Variants in ANKRD13A observed in about 807,000 individuals in gnomAD.
ANKRD13A encodes ankyrin repeat domain-containing protein 13A.
A neutral mutation model predicts 81.3 loss-of-function variants in ANKRD13A; 48 were observed. The ratio of observed to expected loss-of-function variants is 0.59; its 90% confidence interval spans 0.47 to 0.75. ANKRD13A has a LOEUF of 0.75. Among genes scored for constraint, ANKRD13A ranks in the 30% least tolerant of loss-of-function variants. The pLI, the probability that ANKRD13A is intolerant of heterozygous loss-of-function variation, is 0.00. For missense variants in ANKRD13A, 612 were observed against 734.0 expected, an observed-to-expected ratio of 0.83 and a Z score of 1.92; for synonymous variants, 230 against 270.1, an observed-to-expected ratio of 0.85 and a Z score of 1.45.
At chr12:110,016,470 T>G in intron 4 of ANKRD13A, 37 bp downstream of exon 4, 1 of 1,541,656 alleles carries the variant, frequency 6.5e-7, no homozygotes, top group Non-Finnish European at 8.8e-7. Context: ...TTTCTCTTTC[T>G]AAATTTACTT....
chr12:110,024,104 G>C lies in ANKRD13A; in HGVS notation c.793G>C (p.Glu265Gln), dbSNP rs762295453. Residue 265 changes from glutamate to glutamine, a missense_variant, in exon 7 of 15, where the codon GAA (glutamate) becomes CAA (glutamine). Transcript: ENST00000261739. ...TDKAEVVNGY[E>Q]AKVYTVNNVN... ...TAAAGCAGAAGTTGTTAATGGTTACGAAGCAAAGGTAAAAGGAAACTCTTA... is the reference window on the plus strand; with the variant it reads ...TAAAGCAGAAGTTGTTAATGGTTACCAAGCAAAGGTAAAAGGAAACTCTTA... 6.2e-7 allele frequency: 1 copy of C among 1,605,518 alleles called. No individual in the cohort carries two copies. The highest frequency in any genetic ancestry group is 1.8e-5 in the Admixed American group (1 of 57,100).
chr12:110,022,720 G>T (rs1166844973), intron 6 of ANKRD13A, among the ~76,000 whole-genome samples: 1 of 152,190 alleles, frequency 6.6e-6, no homozygotes, highest in African/African-American at 2.4e-5. Context: ...AGGCTATCTC[G>T]ATTTTCTGGT....
chr12:109,999,367 T>A (rs1261671187), upstream of ANKRD13A: 4 of 161,784 alleles, frequency 2.5e-5, no homozygotes, highest in African/African-American at 9.6e-5. The surrounding 1 kb of genome is among the most constrained non-coding windows in gnomAD (Gnocchi z 4.3). Flanking sequence ...AGGTCGCCTA[T>A]CCCCGCCGCG....
Position 110,036,158 on chromosome 12 carries a change from TG to T in ANKRD13A, c.1510-101del. 9.1e-7 allele frequency: 1 copy of T among 1,102,892 alleles called. No individual in the cohort carries two copies. The highest frequency in any genetic ancestry group is 2.4e-5 in the East Asian group (1 of 41,766). The allele number at this position is 1,102,892 out of a possible 1,614,324, so 68.3% of individuals were successfully genotyped here. ...CACACAGCACTATTGATAATGGTCA[TG>T]GAAAGACTTTTAATTTGGTTCTTGC... On this transcript the variant is annotated intron_variant, in intron 13 of 14. Coordinates refer to ENST00000261739, the MANE Select transcript of ANKRD13A (RefSeq NM_033121.2). This position sits in a 1 kb window ranked among gnomAD's most constrained non-coding sequence, Gnocchi z 4.6.
intron 6 of ANKRD13A, among the ~76,000 whole-genome samples, chr12:110,023,415 A>G (rs1891170771): frequency 6.6e-6 from 1 of 152,178 alleles, no homozygotes; most frequent in Non-Finnish European, 1.5e-5. Context: ...GATGGAATTA[A>G]CAGCTGGGCT....
intron 1 of ANKRD13A, among the ~76,000 whole-genome samples, chr12:110,006,752 A>G (rs1890262325): frequency 6.6e-6 from 1 of 152,064 alleles, no homozygotes; most frequent in Admixed American, 6.6e-5. Context: ...ATGCGCCACC[A>G]TGCCTGGCTA....
rs1167894095 is a variant in ANKRD13A at position 110,038,612 on chromosome 12, GT to G, written c.*1060del. Reference sequence around the variant, plus strand: ...TAATGATTCCACGTTGCTTTTTAGAGTTCAAATCAACATCTTTCTGGATAAA... The same window carrying G: ...TAATGATTCCACGTTGCTTTTTAGAGTCAAATCAACATCTTTCTGGATAAA... On this transcript the variant is annotated 3_prime_UTR_variant, in exon 15 of 15. Transcript: ENST00000261739. The G allele has an allele frequency of 3.9e-5, 6 of 152,642 alleles. No homozygotes were observed. Among genetic ancestry groups the G allele is most frequent in the African/African-American group, 7.2e-5 (3 of 41,526 alleles). The allele number at this position is 152,642 out of a possible 1,614,324, so 9.5% of individuals were successfully genotyped here.
At chr12:110,037,150 C>T (rs1266291577) in intron 14 of ANKRD13A, among the ~76,000 whole-genome samples, 2 of 152,214 alleles carry the variant, frequency 1.3e-5, no homozygotes, top group Non-Finnish European at 2.9e-5. Flanking sequence ...AGCCCTATCA[C>T]TTACTGGTTG....
intron 7 of ANKRD13A, among the ~76,000 whole-genome samples, chr12:110,024,936 C>T (rs535454469): frequency 6.6e-4 from 100 of 152,306 alleles, no homozygotes; most frequent in African/African-American, 1.9e-3. Flanking sequence ...TGTCAGTGCA[C>T]AGAATGCCTT....
At chr12:110,023,879 A>G (rs920947557) in intron 6 of ANKRD13A, 167 bp from the exon 7 acceptor site, 11 of 650,182 alleles carry the variant, frequency 1.7e-5, no homozygotes, top group Non-Finnish European at 2.7e-5. Context: ...TGGAGGGTGC[A>G]TAAGCCATCT....
At chr12:110,013,751 C>A (rs1342531578) in intron 3 of ANKRD13A, among the ~76,000 whole-genome samples, 1 of 152,034 alleles carries the variant, frequency 6.6e-6, no homozygotes, top group Non-Finnish European at 1.5e-5. Flanking sequence ...GATCGCACCC[C>A]TGCACTCCAG....
At position 109,999,855 on chromosome 12, in the gene ANKRD13A, A is replaced by G. The variant is rs1889858970; in HGVS notation, c.96+71A>G. 1 of 1,371,258 alleles carries G rather than the reference A, an allele frequency of 7.3e-7. No individual in the cohort carries two copies. The highest frequency in any genetic ancestry group is 1.4e-5 in the South Asian group (1 of 72,714). The allele number at this position is 1,371,258 out of a possible 1,614,324, so 84.9% of individuals were successfully genotyped here. ...AATCGGGGGTCGTTTCGCCTCCCTG[A>G]GCCCATTTCCAGCCCTCTGTCCCCG... is the stretch of plus-strand genomic sequence containing the variant. On this transcript the variant is annotated intron_variant, in intron 1 of 14. Transcript: ENST00000261739. This position sits in a 1 kb window ranked among gnomAD's most constrained non-coding sequence, Gnocchi z 4.3.
chr12:110,001,438 T>A (rs1889970338), intron 1 of ANKRD13A, among the ~76,000 whole-genome samples: 1 of 142,778 alleles, frequency 7.0e-6, no homozygotes, highest in African/African-American at 2.5e-5. Flanking sequence ...TTCTGTTTCT[T>A]TTTTTTTTTT....
At chr12:110,022,255 C>T (rs936372857) in intron 6 of ANKRD13A, 1 of 152,136 alleles carries the variant, frequency 6.6e-6, no homozygotes, top group Admixed American at 6.5e-5. Flanking sequence ...CGAGACCATC[C>T]TGGCTAACAC....
chr12:110,014,112 T>C (rs1238385955), intron 3 of ANKRD13A, among the ~76,000 whole-genome samples: 1 of 152,158 alleles, frequency 6.6e-6, no homozygotes, highest in Non-Finnish European at 1.5e-5. Flanking sequence ...GGAACAACTT[T>C]ATTATAAATA....
intron 4 of ANKRD13A, among the ~76,000 whole-genome samples, chr12:110,017,619 T>A (rs1890860264): frequency 6.6e-6 from 1 of 152,182 alleles, no homozygotes; most frequent in African/African-American, 2.4e-5. Flanking sequence ...TAGTCACTCT[T>A]ATTTCAGGTT....
chr12:110,005,219 G>T (rs1890181511), intron 1 of ANKRD13A, among the ~76,000 whole-genome samples: 1 of 151,938 alleles, frequency 6.6e-6, no homozygotes, highest in Admixed American at 6.6e-5. Flanking sequence ...ACAGCTCACT[G>T]CACCCTTGAC....
At chr12:110,011,227 A>G (rs149618093) in intron 1 of ANKRD13A, among the ~76,000 whole-genome samples, 1 of 152,364 alleles carries the variant, frequency 6.6e-6, no homozygotes, top group Non-Finnish European at 1.5e-5. Context: ...AGCTCACACT[A>G]GAGAAATTGC....
chr12:110,024,657 G>C (rs1891231280), intron 7 of ANKRD13A, among the ~76,000 whole-genome samples: 1 of 152,082 alleles, frequency 6.6e-6, no homozygotes, highest in East Asian at 1.9e-4. Context: ...AACAGGGATT[G>C]ATGGCTTTTG....
Sources: allele counts gnomAD v4.1 joint callset (sites outside exome capture counted in the v4.1 genomes callset), GRCh38; gene constraint gnomAD v4.1.1; non-coding constraint Gnocchi (gnomAD v3.1); transcripts MANE v1.5; gene names NCBI Gene and HGNC (gene_info 2026-07-23, HGNC 2026-07-21).